The following ARHGAP15 variants were observed in gnomAD, a reference collection of about 807,000 sequenced individuals.
ARHGAP15 encodes rho GTPase-activating protein 15.
ARHGAP15 carries 51 observed loss-of-function variants against 63.7 expected under a neutral mutation model. That is an observed-to-expected ratio of 0.80 (90% CI 0.64 to 1.01). The LOEUF is 1.01. ARHGAP15 is among the 50% of genes least tolerant of loss of function. The pLI is 0.00. For synonymous variants in ARHGAP15, 191 were observed against 193.8 expected (o/e 0.99, Z 0.12); for missense variants, 560 against 564.6 (o/e 0.99, Z 0.08).
At chr2:143,517,069 C>T (rs1393821670) in intron 9 of ARHGAP15, among the ~76,000 whole-genome samples, 4 of 152,186 alleles carry the variant, frequency 2.6e-5, no homozygotes. Flanking sequence ...CTGCCTCAGC[C>T]TCCTGAGTAG....
intron 5 of ARHGAP15, among the ~76,000 whole-genome samples, chr2:143,245,343 G>A (rs953838121): frequency 2.0e-5 from 3 of 152,218 alleles, no homozygotes; most frequent in African/African-American, 7.2e-5. Context: ...GGGCTCTAAG[G>A]AGAAGGGCCA....
At chr2:143,691,089 G>GA (rs952192726) in intron 12 of ARHGAP15, among the ~76,000 whole-genome samples, 6 of 151,896 alleles carry the variant, frequency 4.0e-5, no homozygotes, top group East Asian at 1.9e-4. Context: ...TAAAAGAAGG[G>GA]AAAAAAAATG....
chr2:143,595,414 C>T (rs1697473653), intron 11 of ARHGAP15, among the ~76,000 whole-genome samples: 2 of 152,162 alleles, frequency 1.3e-5, no homozygotes, highest in African/African-American at 4.8e-5. Flanking sequence ...AAGATTCTAA[C>T]TCCAGAAATA....
intron 6 of ARHGAP15, among the ~76,000 whole-genome samples, chr2:143,332,873 A>C (rs1479722133): frequency 6.6e-6 from 1 of 151,336 alleles, no homozygotes; most frequent in Non-Finnish European, 1.5e-5. Context: ...ATAACTACTA[A>C]TTTTTGTTTC....
chr2:143,509,489 G>A (rs1272765952), intron 9 of ARHGAP15, among the ~76,000 whole-genome samples: 3 of 152,208 alleles, frequency 2.0e-5, no homozygotes, highest in East Asian at 1.9e-4. Flanking sequence ...ATAAGTTAAC[G>A]CAGTACCTCC....
chr2:143,681,780 A>C (rs1464178942), intron 12 of ARHGAP15, among the ~76,000 whole-genome samples: 1 of 152,194 alleles, frequency 6.6e-6, no homozygotes, highest in Non-Finnish European at 1.5e-5. Context: ...CAGGAGATAG[A>C]AATCGAGGTG....
At chr2:143,367,172 T>G (rs1341598259) in intron 6 of ARHGAP15, among the ~76,000 whole-genome samples, 1 of 152,072 alleles carries the variant, frequency 6.6e-6, no homozygotes, top group Admixed American at 6.6e-5. Context: ...TTGGGTAATG[T>G]ATGTCTGTGT....
intron 13 of ARHGAP15, among the ~76,000 whole-genome samples, chr2:143,745,747 A>G (rs1236679390): frequency 1.3e-5 from 2 of 152,220 alleles, no homozygotes; most frequent in Admixed American, 6.5e-5. Context: ...ATTTCAAGTT[A>G]CAGGAAGGAA....
At chr2:143,471,108 T>C (rs965796614) in intron 8 of ARHGAP15, among the ~76,000 whole-genome samples, 10 of 148,736 alleles carry the variant, frequency 6.7e-5, no homozygotes, top group African/African-American at 2.5e-4. Context: ...CATGTGTATA[T>C]ATACACACAT....
chr2:143,276,264 T>G (rs890529058), intron 6 of ARHGAP15, among the ~76,000 whole-genome samples: 2 of 152,232 alleles, frequency 1.3e-5, no homozygotes, highest in African/African-American at 4.8e-5. Flanking sequence ...ATCTCAGCAC[T>G]CTGTTAGATC....
intron 6 of ARHGAP15, among the ~76,000 whole-genome samples, chr2:143,347,904 A>G (rs1476584643): frequency 6.6e-6 from 1 of 150,878 alleles, no homozygotes; most frequent in South Asian, 2.1e-4. Context: ...TTAGAATTTG[A>G]TTTTCCTCAC....
chr2:143,548,723 CCAAAAG>C (rs1394791353), intron 10 of ARHGAP15, among the ~76,000 whole-genome samples: 1 of 151,314 alleles, frequency 6.6e-6, no homozygotes, highest in Non-Finnish European at 1.5e-5. Flanking sequence ...ATGATGATAA[CCAAAAG>C]CAAACAAAAT....
Position 143,682,234 on chromosome 2 carries a change from C to T in ARHGAP15, c.1139-21185C>T, listed in dbSNP as rs1574833636. Among the ~76,000 whole-genome samples, 3 of 152,114 alleles carry T rather than the reference C, an allele frequency of 2.0e-5. No homozygotes were observed. The Middle Eastern group carries it at 0.01, about 517-fold the overall frequency. On this transcript the variant is annotated intron_variant, in intron 12 of 13. Coordinates refer to ENST00000295095, the MANE Select transcript of ARHGAP15 (RefSeq NM_018460.4). Reference sequence around the variant, plus strand: ...AAAACTAATGACTTGGTAAATGTTACTCTCTTCAAAATATTCCACCGCTTC... The same window carrying T: ...AAAACTAATGACTTGGTAAATGTTATTCTCTTCAAAATATTCCACCGCTTC...
chr2:143,325,868 C>T (rs1040733122), intron 6 of ARHGAP15, among the ~76,000 whole-genome samples: 1 of 151,936 alleles, frequency 6.6e-6, no homozygotes, highest in Non-Finnish European at 1.5e-5. Context: ...TTATTATATG[C>T]CAGAAATAAT....
intron 11 of ARHGAP15, among the ~76,000 whole-genome samples, chr2:143,603,516 T>C (rs1697859223): frequency 6.6e-6 from 1 of 152,174 alleles, no homozygotes; most frequent in Non-Finnish European, 1.5e-5. Context: ...CCTCTGTCGA[T>C]GTATCTTTTT....
intron 6 of ARHGAP15, among the ~76,000 whole-genome samples, chr2:143,429,051 G>A (rs1013116014): frequency 1.3e-5 from 2 of 152,020 alleles, no homozygotes; most frequent in African/African-American, 2.4e-5. Context: ...TTTTTGAGTC[G>A]TTTTTCATAT....
At chr2:143,249,231 C>G (rs1680012347) in intron 5 of ARHGAP15, among the ~76,000 whole-genome samples, 1 of 151,996 alleles carries the variant, frequency 6.6e-6, no homozygotes, top group South Asian at 2.1e-4. Flanking sequence ...AAATTCTATC[C>G]TGCCGGCTGG....
rs575049863 is a variant in ARHGAP15, at chr2:143,419,355, A to G, written c.475-16246A>G. Among the ~76,000 whole-genome samples the G allele has an allele frequency of 1.2e-3, 183 of 152,274 alleles. 5 individuals carry two copies. The South Asian group carries it at 0.034, about 29-fold the overall frequency. ...TAGTAATGCATTTCAGCAGCCTTTC[A>G]AAATTCTTTTATTTGACCTAGTAAT... On this transcript the variant is annotated intron_variant, in intron 6 of 13. Transcript: ENST00000295095.
chr2:143,527,064 C>G (rs913894845), intron 10 of ARHGAP15, among the ~76,000 whole-genome samples: 1 of 152,028 alleles, frequency 6.6e-6, no homozygotes, highest in African/African-American at 2.4e-5. Flanking sequence ...ATATTATACT[C>G]CTTTGTGGAT....
Sources: allele counts gnomAD v4.1 joint callset (sites outside exome capture counted in the v4.1 genomes callset), GRCh38; gene constraint gnomAD v4.1.1; transcripts MANE v1.5; gene names NCBI Gene and HGNC (gene_info 2026-07-23, HGNC 2026-07-21).